The following ITGA11 variants were observed in gnomAD, a reference collection of about 807,000 sequenced individuals.
ITGA11 encodes integrin alpha-11.
In ITGA11, 97 loss-of-function variants were observed where a neutral mutation model predicts 141.9. That is an observed-to-expected ratio of 0.68 (90% CI 0.58 to 0.81). The LOEUF is 0.81. Ranked by LOEUF, ITGA11 falls within the 30% of genes least tolerant of loss-of-function variation. The pLI, the probability that ITGA11 is intolerant of heterozygous loss-of-function variation, is 0.00. For synonymous variants in ITGA11, 658 were observed against 624.6 expected (o/e 1.05, Z -0.80); for missense variants, 1,387 against 1,559.2 (o/e 0.89, Z 1.86).
intron 2 of ITGA11, among the ~76,000 whole-genome samples, chr15:68,379,317 C>T (rs1487816971): frequency 1.3e-5 from 2 of 152,190 alleles, no homozygotes; most frequent in African/African-American, 4.8e-5. Flanking sequence ...TCCTATGAAG[C>T]TTTGTCTATA....
intron 11 of ITGA11, 200 bp from the exon 12 acceptor site, chr15:68,336,045 G>T (rs1595865365): frequency 6.3e-6 from 4 of 632,808 alleles, no homozygotes; most frequent in South Asian, 2.0e-5. Context: ...CCAGGAAGGG[G>T]GTTTGGAGGG....
chr15:68,423,492 T>C (rs1484134479), intron 1 of ITGA11, among the ~76,000 whole-genome samples: 1 of 152,180 alleles, frequency 6.6e-6, no homozygotes. Flanking sequence ...GGGGCTGCTG[T>C]TGGCGTGTGC....
At chr15:68,352,248 G>A (rs1462660710) in intron 7 of ITGA11, among the ~76,000 whole-genome samples, 17 of 150,420 alleles carry the variant, frequency 1.1e-4, no homozygotes, top group African/African-American at 3.7e-4. Flanking sequence ...GCTGGAGTGC[G>A]GTGGCACAAT....
In ITGA11 at chr15:68,381,211, T is replaced by G. The variant is rs77971325; in HGVS notation, c.165-11927A>C. On this transcript the variant is annotated intron_variant, in intron 2 of 29. Transcript: ENST00000315757. ...GGCACCACCTCTAGAGGGTCTGTCTTTGTAATTCTTGGACTTGACTGAGAT... is the reference window on the plus strand; with the variant it reads ...GGCACCACCTCTAGAGGGTCTGTCTGTGTAATTCTTGGACTTGACTGAGAT... 5.8e-3 allele frequency among the ~76,000 whole-genome samples: 889 copies of G among 152,302 alleles called. 8 individuals are homozygous for G. The highest frequency in any genetic ancestry group is 0.018 in the African/African-American group (751 of 41,556).
In ITGA11 at chr15:68,326,455, CTAGT is replaced by C. The variant is rs993391059; in HGVS notation, c.2211+195_2211+198del. On this transcript the variant is annotated intron_variant, in intron 17 of 29. Coordinates refer to ENST00000315757, the MANE Select transcript of ITGA11 (RefSeq NM_001004439.2). The surrounding 1 kb of genome is among the most constrained non-coding windows in gnomAD (Gnocchi z 6.8). Reference sequence around the variant, plus strand: ...AGGAGAAGAGGTTTTGGAAGGATGTCTAGTGAGGTGGTATGTAGCGTGTCTCTGG... The same window carrying C: ...AGGAGAAGAGGTTTTGGAAGGATGTCGAGGTGGTATGTAGCGTGTCTCTGG... Among the ~76,000 whole-genome samples, 1 of 151,996 alleles carries C rather than the reference CTAGT, an allele frequency of 6.6e-6. No individual in the cohort carries two copies. Among genetic ancestry groups the C allele is most frequent in the Non-Finnish European group, 1.5e-5 (1 of 68,018 alleles).
chr15:68,311,421 G>A lies in ITGA11; in HGVS notation c.2974-18C>T. The stretch of plus-strand genomic sequence containing the variant: ...TTCTGGATCTGTGGCCAGAGACAGG[G>A]AGGTGTCAGTACAGTCAGTTGAGGG... On this transcript the variant is annotated intron_variant, in intron 24 of 29. Transcript: ENST00000315757. 1 of 1,516,566 alleles carries A rather than the reference G, an allele frequency of 6.6e-7. No homozygotes were observed. Among genetic ancestry groups the A allele is most frequent in the Non-Finnish European group, 9.0e-7 (1 of 1,114,418 alleles). 93.9% of individuals were successfully genotyped at this position (1,516,566 alleles called of 1,614,324 possible).
At chr15:68,371,570 T>G (rs763618567) in intron 2 of ITGA11, among the ~76,000 whole-genome samples, 1 of 151,860 alleles carries the variant, frequency 6.6e-6, no homozygotes, top group Non-Finnish European at 1.5e-5. Context: ...CAAAAAAAAG[T>G]AGCTGGGCGT....
intron 11 of ITGA11, 146 bp downstream of exon 11, chr15:68,339,354 G>A (rs970585229): frequency 2.0e-5 from 17 of 867,024 alleles, no homozygotes; most frequent in African/African-American, 6.7e-5. Context: ...AAATGCCCCC[G>A]GGGATGCTCT....
intron 2 of ITGA11, among the ~76,000 whole-genome samples, chr15:68,379,214 C>T (rs1241254167): frequency 6.6e-6 from 1 of 152,192 alleles, no homozygotes; most frequent in Non-Finnish European, 1.5e-5. Flanking sequence ...TCTCCTCATC[C>T]CAAACTCTCA....
At chr15:68,420,069 G>C (rs755964306) in intron 1 of ITGA11, among the ~76,000 whole-genome samples, 8 of 152,170 alleles carry the variant, frequency 5.3e-5, no homozygotes, top group Non-Finnish European at 1.2e-4. Context: ...GTGGTTCCCA[G>C]GGATTGGACT....
rs201276855 is a variant in ITGA11 at position 68,357,139 on chromosome 15, CT to C, written c.749+11del. ...ATCTAAAAAAATTTTTTTTGTTCTACTTTTTTTTTACCGTGCAAATTCAATG... is the reference window on the plus strand; with the variant it reads ...ATCTAAAAAAATTTTTTTTGTTCTACTTTTTTTTACCGTGCAAATTCAATG... On this transcript the variant is annotated intron_variant, in intron 7 of 29. Transcript: ENST00000315757. 588 of 1,558,744 alleles carry C rather than the reference CT, an allele frequency of 3.8e-4. 3 individuals are homozygous for C. The highest frequency in any genetic ancestry group is 1.8e-3 in the Admixed American group (101 of 54,784).
Position 68,323,472 on chromosome 15 carries a change from C to T in ITGA11, c.2322+1659G>A, listed in dbSNP as rs1893873713. ...AATAATATGGGATGGCTCACTTCCC[C>T]AACAGGCCAGATATTATGGTATTAG... On this transcript the variant is annotated intron_variant, in intron 18 of 29. Transcript: ENST00000315757. Among the ~76,000 whole-genome samples the T allele has an allele frequency of 2.0e-5, 3 of 152,136 alleles. No individual in the cohort carries two copies. In the South Asian group the frequency reaches 6.2e-4, roughly 32 times the overall value.
intron 7 of ITGA11, among the ~76,000 whole-genome samples, chr15:68,352,381 C>T (rs539875695): frequency 3.9e-5 from 6 of 152,002 alleles, no homozygotes; most frequent in South Asian, 2.1e-4. Context: ...TTAATAGAGA[C>T]GGGGTTTTGC....
intron 7 of ITGA11, among the ~76,000 whole-genome samples, chr15:68,356,591 C>G (rs1374961521): frequency 6.6e-6 from 1 of 152,198 alleles, no homozygotes; most frequent in Non-Finnish European, 1.5e-5. Context: ...AACAATATTC[C>G]CCATTCTAAA....
intron 21 of ITGA11, among the ~76,000 whole-genome samples, chr15:68,316,232 C>A (rs2140279943): frequency 6.6e-6 from 1 of 152,340 alleles, no homozygotes; most frequent in South Asian, 2.1e-4. Flanking sequence ...ACCCAGCAGG[C>A]CAACAAGGCA....
intron 2 of ITGA11, among the ~76,000 whole-genome samples, chr15:68,390,589 G>A (rs987609809): frequency 2.6e-5 from 4 of 152,140 alleles, no homozygotes; most frequent in South Asian, 2.1e-4. Context: ...ACCAAGGCAC[G>A]CAAGCTCTGC....
chr15:68,384,560 A>C (rs978927477), intron 2 of ITGA11, among the ~76,000 whole-genome samples: 9 of 152,132 alleles, frequency 5.9e-5, no homozygotes, highest in African/African-American at 2.2e-4. Context: ...TGTGCCTGCC[A>C]AGGTCTGCTG....
At chr15:68,357,799 G>A (rs1458254467) in intron 6 of ITGA11, among the ~76,000 whole-genome samples, 1 of 152,176 alleles carries the variant, frequency 6.6e-6, no homozygotes, top group Non-Finnish European at 1.5e-5. Flanking sequence ...AAACGTTCCT[G>A]TTGGAGGAGC....
Position 68,331,862 on chromosome 15 carries a change from C to G in ITGA11, c.1767G>C (p.Lys589Asn), listed in dbSNP as rs371461609. The G allele has an allele frequency of 5.0e-6, 8 of 1,611,042 alleles. No homozygotes were observed. The African/African-American group carries it at 9.3e-5, about 19-fold the overall frequency. ...CGCTTCCCCAGGGAAGCCTGACCTG[C>G]TTAGGTGTCTTCAGGATGCTGCCTC... is the stretch of plus-strand genomic sequence containing the variant. ...GFRGSILKTPKQRITASELAT... is the reference protein window; with the variant it reads ...GFRGSILKTPNQRITASELAT... The change falls in exon 14 of 30, where the codon AAG becomes AAC. Residue 589 changes from lysine (K) to asparagine (N), a missense_variant. By Grantham distance (94) the Lys-to-Asn change is moderately conservative. Coordinates refer to ENST00000315757, the MANE Select transcript of ITGA11 (RefSeq NM_001004439.2).
Sources: gnomAD v4.1 joint callset for allele counts (sites outside exome capture counted in the v4.1 genomes callset) on GRCh38, gnomAD v4.1.1 for gene constraint, Gnocchi (gnomAD v3.1) non-coding constraint, MANE v1.5 for transcripts, NCBI Gene and HGNC (gene_info 2026-07-23, HGNC 2026-07-21) for gene names.